The following ANTXR2 variants were observed in gnomAD, a reference collection of about 807,000 sequenced individuals.
ANTXR2 encodes the protein anthrax toxin receptor 2.
Under a neutral mutation model 73.7 loss-of-function variants are expected in ANTXR2, and 44 were observed. The ratio of observed to expected loss-of-function variants is 0.60; its 90% CI spans 0.47 to 0.77. ANTXR2 has a LOEUF of 0.77. Among genes scored for constraint, ANTXR2 ranks in the 30% least tolerant of loss-of-function variants. ANTXR2 has a pLI of 0.00. For synonymous variants in ANTXR2, 217 were observed against 205.9 expected, an observed-to-expected ratio of 1.05 and a Z score of -0.46; for missense variants, 604 against 592.5, an observed-to-expected ratio of 1.02 and a Z score of -0.20.
intron 16 of ANTXR2, among the ~76,000 whole-genome samples, chr4:79,957,401 T>C (rs1728930266): frequency 6.6e-6 from 1 of 152,100 alleles, no homozygotes; most frequent in South Asian, 2.1e-4. Context: ...CATTTAAAGA[T>C]AATCATTAAA....
At chr4:80,067,362 A>G (rs1180238436) in intron 3 of ANTXR2, among the ~76,000 whole-genome samples, 2 of 152,212 alleles carry the variant, frequency 1.3e-5, no homozygotes, top group Non-Finnish European at 2.9e-5. Flanking sequence ...CTGGTCACCC[A>G]GTGACCTACA....
chr4:79,961,544 C>T (rs1303901363), intron 16 of ANTXR2, among the ~76,000 whole-genome samples: 1 of 152,098 alleles, frequency 6.6e-6, no homozygotes, highest in Non-Finnish European at 1.5e-5. Flanking sequence ...AAGCAATCCT[C>T]CCACCTCAGC....
intron 11 of ANTXR2, among the ~76,000 whole-genome samples, chr4:80,012,974 G>T (rs1159398359): frequency 6.6e-6 from 1 of 152,172 alleles, no homozygotes; most frequent in African/African-American, 2.4e-5. Context: ...AAGCCATAAA[G>T]GATTTAGCAC....
intron 16 of ANTXR2, among the ~76,000 whole-genome samples, chr4:79,912,870 G>T (rs1560845822): frequency 6.6e-6 from 1 of 151,910 alleles, no homozygotes; most frequent in African/African-American, 2.4e-5. Flanking sequence ...GAAAAAAATG[G>T]TAACTAAAAA....
chr4:79,921,621 T>C (rs1411946802), intron 16 of ANTXR2, among the ~76,000 whole-genome samples: 8 of 152,116 alleles, frequency 5.3e-5, no homozygotes, highest in African/African-American at 1.9e-4. Context: ...TGTATAGTTT[T>C]TGAAGCTTTA....
chr4:80,071,995 C>T (rs1445811883), intron 1 of ANTXR2, among the ~76,000 whole-genome samples: 1 of 152,192 alleles, frequency 6.6e-6, no homozygotes, highest in African/African-American at 2.4e-5. Context: ...CATGTTAACC[C>T]TAGGCTTTTC....
intron 7 of ANTXR2, among the ~76,000 whole-genome samples, chr4:80,048,239 C>T (rs775658309): frequency 4.0e-5 from 6 of 148,876 alleles, no homozygotes; most frequent in Non-Finnish European, 7.4e-5. Flanking sequence ...GCAATGACTA[C>T]TTACCCAACA....
At chr4:79,925,310 G>T (rs1727742203) in intron 16 of ANTXR2, among the ~76,000 whole-genome samples, 3 of 143,822 alleles carry the variant, frequency 2.1e-5, no homozygotes, top group African/African-American at 2.5e-5. Context: ...TAATGATGAT[G>T]GCATTAAAGC....
chr4:80,006,650 G>A (rs1215892041), intron 12 of ANTXR2, among the ~76,000 whole-genome samples: 1 of 152,050 alleles, frequency 6.6e-6, no homozygotes, highest in Admixed American at 6.6e-5. Context: ...TTTGAGATCT[G>A]TAGAGTCCAA....
At chr4:80,041,645 T>A (rs1733255050) in intron 7 of ANTXR2, among the ~76,000 whole-genome samples, 1 of 151,770 alleles carries the variant, frequency 6.6e-6, no homozygotes, top group South Asian at 2.1e-4. Context: ...CAGGCCCCAG[T>A]GTGTCTTGTT....
chr4:79,966,286 T>C (rs1729362420), intron 16 of ANTXR2, among the ~76,000 whole-genome samples: 1 of 152,194 alleles, frequency 6.6e-6, no homozygotes. Context: ...ATTTTAATTT[T>C]CTTTAGTACA....
At chr4:80,055,861 C>A in intron 4 of ANTXR2, 71 bp downstream of exon 4, 1 of 1,144,980 alleles carries the variant, frequency 8.7e-7, no homozygotes, top group South Asian at 1.5e-5. Context: ...CTGAGCTTTG[C>A]TAGAGGGTTT....
chr4:79,963,481 G>C (rs1282578575), intron 16 of ANTXR2, among the ~76,000 whole-genome samples: 4 of 152,074 alleles, frequency 2.6e-5, no homozygotes, highest in Admixed American at 2.0e-4. Flanking sequence ...AATTACATCT[G>C]CACAACTGAC....
At position 80,069,505 on chromosome 4, in the gene ANTXR2, G is replaced by A; in HGVS notation, c.227C>T (p.Pro76Leu). Reference sequence around the variant, plus strand: ...CACAATGAAAGATAATCTCATTTCAGGGCTGCAAAATAAGAAAAGAGGCAG... The same window carrying A: ...CACAATGAAAGATAATCTCATTTCAAGGCTGCAAAATAAGAAAAGAGGCAG... ...VQQLAERFVS[P>L]EMRLSFIVFS... Residue 76 changes from proline to leucine, a missense_variant and splice_region_variant, in exon 3 of 17, where the codon CCT (proline) becomes CTT (leucine). By Grantham distance (98) the Pro-to-Leu change is moderately conservative. Coordinates refer to ENST00000403729, the MANE Select transcript of ANTXR2 (RefSeq NM_058172.6). The A allele has an allele frequency of 6.3e-7, 1 of 1,596,436 alleles. No individual in the cohort carries two copies. The highest frequency in any genetic ancestry group is 8.6e-7 in the Non-Finnish European group (1 of 1,169,328).
intron 16 of ANTXR2, among the ~76,000 whole-genome samples, chr4:79,909,382 G>T (rs1727037421): frequency 6.6e-6 from 1 of 152,096 alleles, no homozygotes; most frequent in African/African-American, 2.4e-5. Flanking sequence ...GACTAGTAAT[G>T]GTTAGTAGAG....
At chr4:80,004,664 A>T (rs971154369) in intron 12 of ANTXR2, among the ~76,000 whole-genome samples, 1 of 152,086 alleles carries the variant, frequency 6.6e-6, no homozygotes, top group Non-Finnish European at 1.5e-5. Context: ...GACTGCATTT[A>T]TGACCCATCT....
chr4:80,055,294 T>C (rs772520281), intron 5 of ANTXR2, 66 bp downstream of exon 5: 7 of 1,556,074 alleles, frequency 4.5e-6, no homozygotes, highest in Non-Finnish European at 6.2e-6. Flanking sequence ...AATATCAAGC[T>C]ATACATTCCG....
At chr4:79,929,058 G>T (rs1402031044) in intron 16 of ANTXR2, among the ~76,000 whole-genome samples, 1 of 152,152 alleles carries the variant, frequency 6.6e-6, no homozygotes, top group East Asian at 1.9e-4. Context: ...CGGGGCAAAA[G>T]AATTGCTGTT....
At chr4:80,000,216 A>C (rs10050061) in intron 12 of ANTXR2, among the ~76,000 whole-genome samples, 54,164 of 151,800 alleles carry the variant, frequency 0.36, 12,043 homozygotes, top group Non-Finnish European at 0.47. Flanking sequence ...CTTAGTTCCT[A>C]CTAAAAATGA....
Sources: allele counts gnomAD v4.1 joint callset (sites outside exome capture counted in the v4.1 genomes callset), GRCh38; gene constraint gnomAD v4.1.1; transcripts MANE v1.5; gene names NCBI Gene and HGNC (gene_info 2026-07-23, HGNC 2026-07-21).